The following PPP3CA variants were observed in gnomAD, a reference collection of about 807,000 sequenced individuals.
The protein encoded by PPP3CA is CAM-PRP catalytic subunit.
Under a neutral mutation model 66.5 loss-of-function variants are expected in PPP3CA, and 14 were observed. The ratio of observed to expected loss-of-function variants is 0.21; its 90% confidence interval spans 0.14 to 0.33. PPP3CA has a LOEUF of 0.33. Ranked by LOEUF, PPP3CA falls within the 10% of genes least tolerant of loss-of-function variation. The pLI is 1.00. For missense variants in PPP3CA, 317 were observed against 639.5 expected, an observed-to-expected ratio of 0.50 and a Z score of 5.44; for synonymous variants, 232 against 226.2, an observed-to-expected ratio of 1.03 and a Z score of -0.23.
At chr4:101,185,554 A>G (rs1460795683) in intron 2 of PPP3CA, among the ~76,000 whole-genome samples, 1 of 152,178 alleles carries the variant, frequency 6.6e-6, no homozygotes, top group East Asian at 1.9e-4. Flanking sequence ...TTTTTACTTC[A>G]CCTCACTAAC....
chr4:101,216,719 T>C (rs1725469227), intron 1 of PPP3CA, among the ~76,000 whole-genome samples: 1 of 152,038 alleles, frequency 6.6e-6, no homozygotes, highest in South Asian at 2.1e-4. Context: ...TATTTATTCA[T>C]TTATTTATTT....
chr4:101,324,862 T>C (rs185332819), intron 1 of PPP3CA, among the ~76,000 whole-genome samples: 1 of 152,354 alleles, frequency 6.6e-6, no homozygotes, highest in East Asian at 1.9e-4. Context: ...CTTCCATCTT[T>C]GACTCTCATT....
intron 2 of PPP3CA, among the ~76,000 whole-genome samples, chr4:101,169,347 A>AATGGT: frequency 6.6e-6 from 1 of 152,308 alleles, no homozygotes; most frequent in African/African-American, 2.4e-5. Flanking sequence ...GACAAGAATG[A>AATGGT]ATGGTGTGCA....
chr4:101,174,368 GT>G (rs770940238), intron 2 of PPP3CA, among the ~76,000 whole-genome samples: 5 of 152,072 alleles, frequency 3.3e-5, no homozygotes, highest in Non-Finnish European at 7.4e-5. Context: ...ATTAATTGGG[GT>G]TAGGGAATTC....
chr4:101,218,685 C>T (rs144178765), intron 1 of PPP3CA, among the ~76,000 whole-genome samples: 1,704 of 151,738 alleles, frequency 0.011, 21 homozygotes, highest in Middle Eastern at 0.041. Flanking sequence ...TCCAACATCC[C>T]GATAAGATAG....
chr4:101,306,382 C>T lies in PPP3CA; in HGVS notation c.58+40357G>A, dbSNP rs184570250. ...ACTTTTGGAATGTGGCCTGCCTCCTCCACCTGACCACCAAGGCTCCCCCTC... is the reference window on the plus strand; with the variant it reads ...ACTTTTGGAATGTGGCCTGCCTCCTTCACCTGACCACCAAGGCTCCCCCTC... On this transcript the variant is annotated intron_variant, in intron 1 of 13. Transcript: ENST00000394854. 4.4e-4 allele frequency among the ~76,000 whole-genome samples: 67 copies of T among 152,200 alleles called. 1 individual carries two copies. The South Asian group carries it at 8.1e-3, about 18-fold the overall frequency.
chr4:101,204,507 G>T (rs1269171619), intron 1 of PPP3CA, among the ~76,000 whole-genome samples: 3 of 151,806 alleles, frequency 2.0e-5, no homozygotes, highest in Non-Finnish European at 4.4e-5. Flanking sequence ...GTGGTGGCAG[G>T]CGCCTGTAGT....
At chr4:101,194,888 A>G (rs1189894584) in intron 2 of PPP3CA, among the ~76,000 whole-genome samples, 1 of 152,134 alleles carries the variant, frequency 6.6e-6, no homozygotes, top group African/African-American at 2.4e-5. Flanking sequence ...TTTTGACAAT[A>G]TTTAATTTTT....
intron 11 of PPP3CA, among the ~76,000 whole-genome samples, chr4:101,035,388 C>T (rs1318669758): frequency 2.6e-5 from 4 of 152,186 alleles, no homozygotes; most frequent in East Asian, 1.9e-4. Context: ...ACCTACAAAA[C>T]TCTTCTGGTA....
intron 2 of PPP3CA, among the ~76,000 whole-genome samples, chr4:101,139,160 A>G (rs933724630): frequency 3.3e-5 from 5 of 152,038 alleles, no homozygotes; most frequent in Admixed American, 2.6e-4. Flanking sequence ...CTGCTAACAC[A>G]GTGAAACCCC....
rs192186465 is a variant in PPP3CA at position 101,239,869 on chromosome 4, G to A, written c.59-43753C>T. Among the ~76,000 whole-genome samples the A allele has an allele frequency of 8.6e-4, 131 of 151,948 alleles. 1 individual carries two copies. The highest frequency in any genetic ancestry group is 3.0e-3 in the African/African-American group (125 of 41,480). On this transcript the variant is annotated intron_variant, in intron 1 of 13. Coordinates refer to ENST00000394854, the MANE Select transcript of PPP3CA (RefSeq NM_000944.5). ...GCATGAAAAGGCATCTCACTCTTTA[G>A]ATACAACAACAGTTAAAATGTAGTG...
At chr4:101,253,205 C>T (rs1040760833) in intron 1 of PPP3CA, among the ~76,000 whole-genome samples, 2 of 152,156 alleles carry the variant, frequency 1.3e-5, no homozygotes, top group South Asian at 4.1e-4. Flanking sequence ...ATACAATTAT[C>T]TTAAATGGCA....
At chr4:101,227,075 A>G (rs1725805912) in intron 1 of PPP3CA, among the ~76,000 whole-genome samples, 1 of 151,658 alleles carries the variant, frequency 6.6e-6, no homozygotes, top group Admixed American at 6.6e-5. Flanking sequence ...AATGTTGAAA[A>G]CACAGATGTC....
At chr4:101,338,992 A>G (rs1729723352) in intron 1 of PPP3CA, among the ~76,000 whole-genome samples, 1 of 152,236 alleles carries the variant, frequency 6.6e-6, no homozygotes, top group Admixed American at 6.5e-5. Context: ...TTAAAAACAA[A>G]TGTCAACGGA....
chr4:101,133,360 A>G (rs1722511995), intron 2 of PPP3CA, among the ~76,000 whole-genome samples: 1 of 152,218 alleles, frequency 6.6e-6, no homozygotes, highest in African/African-American at 2.4e-5. Flanking sequence ...ACATCATCTC[A>G]GCCCCAAAAG....
chr4:101,155,237 T>C (rs1034673790), intron 2 of PPP3CA, among the ~76,000 whole-genome samples: 1 of 152,194 alleles, frequency 6.6e-6, no homozygotes, highest in Non-Finnish European at 1.5e-5. Flanking sequence ...ACGTGTCCAG[T>C]AGCTAGCACA....
intron 2 of PPP3CA, among the ~76,000 whole-genome samples, chr4:101,142,695 G>C (rs1328220106): frequency 6.6e-6 from 1 of 152,144 alleles, no homozygotes; most frequent in Non-Finnish European, 1.5e-5. Context: ...GAGCCACTGA[G>C]CCTGGCTTCC....
chr4:101,320,171 A>C (rs1728996264), intron 1 of PPP3CA, among the ~76,000 whole-genome samples: 1 of 152,050 alleles, frequency 6.6e-6, no homozygotes, highest in South Asian at 2.1e-4. Flanking sequence ...GTACTCACAC[A>C]CACACACACA....
chr4:101,287,680 A>G (rs1375360354), intron 1 of PPP3CA, among the ~76,000 whole-genome samples: 1 of 152,148 alleles, frequency 6.6e-6, no homozygotes, highest in Non-Finnish European at 1.5e-5. Context: ...ACACAAGTAT[A>G]AAATTATTTT....
Sources: gnomAD v4.1 joint callset for allele counts (sites outside exome capture counted in the v4.1 genomes callset) on GRCh38, gnomAD v4.1.1 for gene constraint, MANE v1.5 for transcripts, NCBI Gene and HGNC (gene_info 2026-07-23, HGNC 2026-07-21) for gene names.